MTUS1: variants seen among roughly 807,000 people sequenced by gnomAD.
The protein encoded by MTUS1 is microtubule associated scaffold protein 1.
Under a neutral mutation model 120.8 loss-of-function variants are expected in MTUS1, and 109 were observed. That is an observed-to-expected ratio of 0.90 (90% CI 0.77 to 1.06). The LOEUF is 1.06. Ranked by LOEUF, MTUS1 falls within the 50% of genes least tolerant of loss-of-function variation. The pLI is 0.00. For synonymous variants in MTUS1, 737 were observed against 550.5 expected (o/e 1.34, Z -4.74); for missense variants, 2,210 against 1,486.3 (o/e 1.49, Z -8.01).
chr8:17,694,492 C>A (rs1378590654), intron 6 of MTUS1, among the ~76,000 whole-genome samples: 4 of 151,842 alleles, frequency 2.6e-5, no homozygotes, highest in African/African-American at 9.7e-5. Context: ...ATGGTGAAAC[C>A]CCATCTCTAT....
chr8:17,661,856 G>A (rs1183779170), intron 8 of MTUS1, among the ~76,000 whole-genome samples: 1 of 152,178 alleles, frequency 6.6e-6, no homozygotes, highest in Non-Finnish European at 1.5e-5. Flanking sequence ...TTACTGGCCC[G>A]GTGTGCTGCT....
chr8:17,657,023 C>T (rs190704343), intron 8 of MTUS1, among the ~76,000 whole-genome samples: 6 of 132,242 alleles, frequency 4.5e-5, no homozygotes, highest in Admixed American at 1.7e-4. Flanking sequence ...TGCGCCACTG[C>T]ACTCCAGCCT....
intron 3 of MTUS1, among the ~76,000 whole-genome samples, chr8:17,736,254 G>C (rs376870414): frequency 6.6e-6 from 1 of 152,208 alleles, no homozygotes; most frequent in Admixed American, 6.5e-5. Context: ...GATGATGTCC[G>C]TGAGGATGAA....
At chr8:17,745,804 C>T (rs1192672494) in intron 2 of MTUS1, among the ~76,000 whole-genome samples, 2 of 152,140 alleles carry the variant, frequency 1.3e-5, no homozygotes. Flanking sequence ...TTCTTCTGTA[C>T]CTTTGGAAGC....
At chr8:17,734,897 A>G (rs73580542) in intron 3 of MTUS1, among the ~76,000 whole-genome samples, 7,452 of 151,768 alleles carry the variant, frequency 0.049, 225 homozygotes, top group East Asian at 0.14. Flanking sequence ...TGAGACCTCA[A>G]AACTTCACAC....
intron 5 of MTUS1, among the ~76,000 whole-genome samples, chr8:17,714,547 G>A (rs970797493): frequency 1.3e-5 from 2 of 152,118 alleles, no homozygotes; most frequent in Admixed American, 6.5e-5. Flanking sequence ...AAAGTCAGAA[G>A]TTGCCCACTA....
chr8:17,800,273 T>C (rs749141335), intron 1 of MTUS1, among the ~76,000 whole-genome samples: 33 of 152,306 alleles, frequency 2.2e-4, no homozygotes, highest in East Asian at 1.7e-3. Context: ...TTAGTGATGA[T>C]TGACTTTCGA....
intron 8 of MTUS1, among the ~76,000 whole-genome samples, chr8:17,662,233 C>A (rs1383713912): frequency 1.3e-5 from 2 of 151,944 alleles, no homozygotes; most frequent in Non-Finnish European, 2.9e-5. Flanking sequence ...AGACACCCCA[C>A]AAAGCCAAAA....
chr8:17,776,707 A>G (rs961661317), intron 1 of MTUS1, among the ~76,000 whole-genome samples: 9 of 131,134 alleles, frequency 6.9e-5, no homozygotes, highest in Non-Finnish European at 1.5e-4. Flanking sequence ...AAAAAAAAAA[A>G]TCTCAGATAC....
At chr8:17,663,649 G>A (rs932486658) in intron 8 of MTUS1, among the ~76,000 whole-genome samples, 1 of 152,150 alleles carries the variant, frequency 6.6e-6, no homozygotes, top group African/African-American at 2.4e-5. Flanking sequence ...AGGCTGGAGT[G>A]TAGTGGCACA....
intron 3 of MTUS1, among the ~76,000 whole-genome samples, chr8:17,724,340 C>T (rs968626798): frequency 6.6e-6 from 1 of 152,108 alleles, no homozygotes. Flanking sequence ...GAAAACAGAA[C>T]TCACGTTAAC....
At chr8:17,743,249 C>A (rs1255169758) in intron 3 of MTUS1, among the ~76,000 whole-genome samples, 1 of 152,040 alleles carries the variant, frequency 6.6e-6, no homozygotes, top group Non-Finnish European at 1.5e-5. Context: ...GTATTGAGGG[C>A]ACACTAGGGA....
intron 3 of MTUS1, among the ~76,000 whole-genome samples, chr8:17,741,647 T>A (rs570844910): frequency 6.6e-6 from 1 of 152,228 alleles, no homozygotes; most frequent in Admixed American, 6.5e-5. Flanking sequence ...TGGGTGGGAC[T>A]GATCGCCTAC....
chr8:17,655,031 C>G (rs7000643), intron 9 of MTUS1: 1 of 200,706 alleles, frequency 5.0e-6, no homozygotes, highest in African/African-American at 2.3e-5. Context: ...CAGAGGCTCT[C>G]CAGGGTGACA....
intron 8 of MTUS1, among the ~76,000 whole-genome samples, chr8:17,669,145 G>A (rs778808286): frequency 6.6e-6 from 1 of 152,212 alleles, no homozygotes; most frequent in Admixed American, 6.5e-5. Flanking sequence ...ACAAATCTCT[G>A]TAAGAACAAA....
At chr8:17,660,647 C>T (rs1481733022) in intron 8 of MTUS1, among the ~76,000 whole-genome samples, 1 of 152,170 alleles carries the variant, frequency 6.6e-6, no homozygotes, top group Non-Finnish European at 1.5e-5. Context: ...ACATTCCCAT[C>T]AGCAGTACTA....
rs1459983323 is a variant in MTUS1, at chr8:17,644,613, G to A, written c.*1313C>T. 2 of 152,176 alleles carry A rather than the reference G, an allele frequency of 1.3e-5. No individual in the cohort carries two copies. Among genetic ancestry groups the A allele is most frequent in the African/African-American group, 4.8e-5 (2 of 41,438 alleles). The allele number at this position is 152,176 out of a possible 1,614,324, so 9.4% of individuals were successfully genotyped here. On this transcript the variant is annotated 3_prime_UTR_variant, in exon 15 of 15. Transcript: ENST00000693296. ...ATTCTGCTACTTTCCCAAAGACAAA[G>A]GGACTCCTTAAAGGGTAACTGAAAA...
At chr8:17,697,720 G>A (rs1053330550) in intron 6 of MTUS1, 25 of 1,000,096 alleles carry the variant, frequency 2.5e-5, no homozygotes, top group Non-Finnish European at 2.9e-5. Flanking sequence ...TAAAGGGGAG[G>A]AGAAAGTGGG....
intron 5 of MTUS1, among the ~76,000 whole-genome samples, chr8:17,714,894 CTTTTTTTTTTTTTTTT>C (rs34479493): frequency 9.1e-5 from 5 of 55,172 alleles, no homozygotes; most frequent in African/African-American, 3.1e-4. Context: ...ACAAATAATG[CTTTTTTTTTTTTTTTT>C]TTTTTTTTTT....
Sources: allele counts gnomAD v4.1 joint callset (sites outside exome capture counted in the v4.1 genomes callset), GRCh38; gene constraint gnomAD v4.1.1; transcripts MANE v1.5; gene names NCBI Gene and HGNC (gene_info 2026-07-23, HGNC 2026-07-21).